Variants in CORIN observed in about 807,000 individuals in gnomAD.
The protein encoded by CORIN is corin, serine peptidase.
CORIN carries 117 observed loss-of-function variants against 125.3 expected under a neutral mutation model. The ratio of observed to expected loss-of-function variants is 0.93; its 90% CI spans 0.80 to 1.09. The LOEUF is 1.09. Among genes scored for constraint, CORIN ranks in the 50% least tolerant of loss-of-function variants. CORIN has a pLI of 0.00. For synonymous variants in CORIN, 450 were observed against 466.4 expected, an observed-to-expected ratio of 0.96 and a Z score of 0.45; for missense variants, 1,253 against 1,306.7, an observed-to-expected ratio of 0.96 and a Z score of 0.63.
chr4:47,786,603 CTG>C, intron 3 of CORIN, 120 bp downstream of exon 3: 2 of 720,374 alleles, frequency 2.8e-6, no homozygotes, highest in South Asian at 3.7e-5. Flanking sequence ...TACCAGGAAA[CTG>C]AGTGGAGATT....
At chr4:47,708,199 T>A (rs1726666549) in intron 5 of CORIN, among the ~76,000 whole-genome samples, 1 of 152,208 alleles carries the variant, frequency 6.6e-6, no homozygotes, top group Admixed American at 6.5e-5. Flanking sequence ...CAGAAATTTA[T>A]TCTCCCACAA....
At chr4:47,789,741 C>G (rs933884845) in intron 2 of CORIN, among the ~76,000 whole-genome samples, 6 of 152,160 alleles carry the variant, frequency 3.9e-5, no homozygotes, top group African/African-American at 1.4e-4. Context: ...TGCTAAGAGG[C>G]CGGGCGCGGT....
At chr4:47,782,590 G>A (rs1004442479) in intron 3 of CORIN, among the ~76,000 whole-genome samples, 3 of 152,112 alleles carry the variant, frequency 2.0e-5, no homozygotes, top group African/African-American at 4.8e-5. Flanking sequence ...AAACTTGCAC[G>A]TGAATATTCA....
At chr4:47,700,297 T>A (rs997622545) in intron 5 of CORIN, among the ~76,000 whole-genome samples, 1 of 152,118 alleles carries the variant, frequency 6.6e-6, no homozygotes, top group Non-Finnish European at 1.5e-5. Flanking sequence ...AGGAAAGGTA[T>A]AGAACATGAA....
intron 16 of CORIN, among the ~76,000 whole-genome samples, chr4:47,634,007 A>C (rs1177539866): frequency 6.6e-6 from 1 of 152,246 alleles, no homozygotes; most frequent in African/African-American, 2.4e-5. Context: ...AAAAAAATTA[A>C]ACAAATATTG....
chr4:47,753,550 C>G (rs1440141666), intron 4 of CORIN, among the ~76,000 whole-genome samples: 2 of 152,074 alleles, frequency 1.3e-5, no homozygotes, highest in African/African-American at 2.4e-5. Flanking sequence ...GACCTCCCCC[C>G]AGGAATGCAC....
intron 19 of CORIN, among the ~76,000 whole-genome samples, chr4:47,608,824 G>A (rs1287325723): frequency 6.6e-6 from 1 of 152,014 alleles, no homozygotes; most frequent in Non-Finnish European, 1.5e-5. Context: ...TGTCTCTGGA[G>A]GCAAAAATCA....
intron 1 of CORIN, among the ~76,000 whole-genome samples, chr4:47,817,612 G>T (rs1175998231): frequency 6.6e-6 from 1 of 152,164 alleles, no homozygotes; most frequent in African/African-American, 2.4e-5. Context: ...GAGATTCTTT[G>T]GTTCTCAAGA....
At chr4:47,738,776 A>G (rs922395484) in intron 5 of CORIN, among the ~76,000 whole-genome samples, 4 of 152,204 alleles carry the variant, frequency 2.6e-5, no homozygotes, top group African/African-American at 4.8e-5. Context: ...CAGTTATTTT[A>G]ACTCATTCAA....
intron 12 of CORIN, among the ~76,000 whole-genome samples, chr4:47,657,113 C>A (rs1459685223): frequency 1.3e-5 from 2 of 152,046 alleles, no homozygotes; most frequent in African/African-American, 4.8e-5. Context: ...CCATAAAACA[C>A]TGATGAAACA....
At chr4:47,789,405 G>A (rs2109922331) in intron 2 of CORIN, among the ~76,000 whole-genome samples, 1 of 152,250 alleles carries the variant, frequency 6.6e-6, no homozygotes, top group African/African-American at 2.4e-5. Flanking sequence ...ACACTGACTT[G>A]GATAACAACT....
chr4:47,754,867 T>C (rs1729063799), intron 4 of CORIN, among the ~76,000 whole-genome samples: 1 of 152,190 alleles, frequency 6.6e-6, no homozygotes, highest in African/African-American at 2.4e-5. Flanking sequence ...CTGGATATGA[T>C]CCATCATATG....
chr4:47,594,526 A>C lies in CORIN; in HGVS notation c.*1195T>G, dbSNP rs1264099474. On this transcript the variant is annotated 3_prime_UTR_variant, in exon 22 of 22. Coordinates refer to ENST00000273857, the MANE Select transcript of CORIN (RefSeq NM_006587.4). Reference sequence around the variant, plus strand: ...GTAAAGTGGCCTAGAGCTAAAAATCATTTCTAAAATTTTAATTACCAATGA... The same window carrying C: ...GTAAAGTGGCCTAGAGCTAAAAATCCTTTCTAAAATTTTAATTACCAATGA... The C allele has an allele frequency of 6.6e-6, 1 of 152,488 alleles. No individual in the cohort carries two copies. The highest frequency in any genetic ancestry group is 2.4e-5 in the African/African-American group (1 of 41,442). 9.4% of individuals were successfully genotyped at this position (152,488 alleles called of 1,614,324 possible).
chr4:47,685,176 C>T (rs1725456488), intron 6 of CORIN, among the ~76,000 whole-genome samples: 1 of 152,032 alleles, frequency 6.6e-6, no homozygotes, highest in Non-Finnish European at 1.5e-5. Context: ...GGAATCTACC[C>T]AAGATAAATT....
chr4:47,731,135 C>T (rs1259340977), intron 5 of CORIN, among the ~76,000 whole-genome samples: 1 of 152,146 alleles, frequency 6.6e-6, no homozygotes, highest in Non-Finnish European at 1.5e-5. Flanking sequence ...TTAACTAGAA[C>T]AACTGAAAGA....
chr4:47,708,512 T>A (rs896592930), intron 5 of CORIN, among the ~76,000 whole-genome samples: 1 of 152,178 alleles, frequency 6.6e-6, no homozygotes. Flanking sequence ...CAATTTCCAT[T>A]GCCACATAAC....
chr4:47,774,281 CGGTGGGAGCCGGGAACA>C (rs1383537062), intron 3 of CORIN, among the ~76,000 whole-genome samples: 4 of 152,036 alleles, frequency 2.6e-5, no homozygotes, highest in Admixed American at 2.6e-4. Flanking sequence ...TGGCCGAAGT[CGGTGGGAGCCGGGAACA>C]GGTGGGAGCC....
chr4:47,808,689 C>G lies in CORIN; in HGVS notation c.64-1642G>C, dbSNP rs538985490. ...GTTATAATTTATAGTTAATTTACAA[C>G]TGATCTTCAAGAAGACAATTGATCT... On this transcript the variant is annotated intron_variant, in intron 1 of 21. Coordinates refer to ENST00000273857, the MANE Select transcript of CORIN (RefSeq NM_006587.4). 2.6e-5 allele frequency among the ~76,000 whole-genome samples: 4 copies of G among 152,310 alleles called. No homozygotes were observed. The South Asian group carries it at 8.3e-4, about 32-fold the overall frequency.
intron 10 of CORIN, among the ~76,000 whole-genome samples, chr4:47,672,334 G>T (rs550329273): frequency 4.6e-5 from 7 of 152,138 alleles, no homozygotes; most frequent in Middle Eastern, 3.4e-3. Flanking sequence ...TTTAAAATTC[G>T]AAATATTTCA....
Sources: gnomAD v4.1 joint callset for allele counts (sites outside exome capture counted in the v4.1 genomes callset) on GRCh38, gnomAD v4.1.1 for gene constraint, MANE v1.5 for transcripts, NCBI Gene and HGNC (gene_info 2026-07-23, HGNC 2026-07-21) for gene names.